The following NRXN3 variants were observed in gnomAD, a reference collection of about 807,000 sequenced individuals.
NRXN3 encodes the protein neurexin 3, also known as neurexin III.
In NRXN3, 32 loss-of-function variants were observed where a neutral mutation model predicts 137.6. The observed-to-expected ratio is 0.23, with a 90% CI of 0.18 to 0.31. The LOEUF is 0.31. Ranked by LOEUF, NRXN3 falls within the 10% of genes least tolerant of loss-of-function variation. The probability of loss-of-function intolerance (pLI) is 1.00; values close to 1 mark genes in which losing one functional copy is unlikely to be tolerated. For synonymous variants in NRXN3, 798 were observed against 784.5 expected, an observed-to-expected ratio of 1.02 and a Z score of -0.29; for missense variants, 1,574 against 2,062.5, an observed-to-expected ratio of 0.76 and a Z score of 4.59.
intron 4 of NRXN3, among the ~76,000 whole-genome samples, chr14:78,474,312 C>G (rs1599141666): frequency 6.6e-6 from 1 of 152,266 alleles, no homozygotes; most frequent in Admixed American, 6.5e-5. Flanking sequence ...GGGTGATGCT[C>G]CCATTTTTAG....
chr14:78,922,587 G>A (rs1016148821), intron 10 of NRXN3, among the ~76,000 whole-genome samples: 1 of 152,122 alleles, frequency 6.6e-6, no homozygotes, highest in Non-Finnish European at 1.5e-5. Context: ...AAATAATAGT[G>A]TTCTTCAGGA....
intron 15 of NRXN3, among the ~76,000 whole-genome samples, chr14:79,237,518 G>A (rs191394351): frequency 2.3e-3 from 346 of 152,182 alleles, no homozygotes; most frequent in Middle Eastern, 6.8e-3. Flanking sequence ...TTGGCTGCAG[G>A]GCTGGGTGGT....
intron 4 of NRXN3, among the ~76,000 whole-genome samples, chr14:78,519,232 G>A (rs1414170464): frequency 6.6e-6 from 1 of 152,134 alleles, no homozygotes; most frequent in Non-Finnish European, 1.5e-5. Context: ...ACATATGTCT[G>A]TGATAAAGAC....
At chr14:79,425,821 G>A (rs1172922534) in intron 15 of NRXN3, among the ~76,000 whole-genome samples, 1 of 152,184 alleles carries the variant, frequency 6.6e-6, no homozygotes, top group Non-Finnish European at 1.5e-5. Context: ...CACATAGCAA[G>A]TTGGAGACAG....
intron 8 of NRXN3, among the ~76,000 whole-genome samples, chr14:78,791,064 C>T (rs982879085): frequency 1.4e-4 from 22 of 152,134 alleles, no homozygotes; most frequent in African/African-American, 5.3e-4. Flanking sequence ...GCAGGTGTAG[C>T]CAAGAAGATC....
chr14:79,658,236 G>T (rs574993564), intron 16 of NRXN3, among the ~76,000 whole-genome samples: 1 of 152,116 alleles, frequency 6.6e-6, no homozygotes, highest in African/African-American at 2.4e-5. Context: ...TTAATTGTAA[G>T]AATTTGAATA....
chr14:79,772,171 G>A (rs2099080761), intron 19 of NRXN3, among the ~76,000 whole-genome samples: 1 of 151,984 alleles, frequency 6.6e-6, no homozygotes, highest in South Asian at 2.1e-4. Context: ...TGGGTAGGAA[G>A]AATCAATATC....
At chr14:78,601,523 G>A (rs2152436008) in intron 4 of NRXN3, among the ~76,000 whole-genome samples, 1 of 151,812 alleles carries the variant, frequency 6.6e-6, no homozygotes, top group East Asian at 1.9e-4. Context: ...CATGATCTCG[G>A]CTCACTGCAA....
intron 7 of NRXN3, among the ~76,000 whole-genome samples, chr14:78,713,885 A>G (rs1202420576): frequency 6.6e-6 from 1 of 152,202 alleles, no homozygotes; most frequent in African/African-American, 2.4e-5. Context: ...GTCCCACAAC[A>G]TGCAGGGATT....
At chr14:79,213,581 T>C (rs2068023136) in intron 15 of NRXN3, among the ~76,000 whole-genome samples, 1 of 151,764 alleles carries the variant, frequency 6.6e-6, no homozygotes, top group Admixed American at 6.6e-5. Flanking sequence ...GTGACAGAGC[T>C]TTCCTGATGG....
At chr14:79,831,988 A>G (rs2099325279) in intron 20 of NRXN3, among the ~76,000 whole-genome samples, 1 of 152,118 alleles carries the variant, frequency 6.6e-6, no homozygotes, top group Non-Finnish European at 1.5e-5. Context: ...ATATAAGTCA[A>G]TTGATTTCAG....
intron 14 of NRXN3, among the ~76,000 whole-genome samples, chr14:78,970,237 A>G (rs1349306714): frequency 6.6e-6 from 1 of 152,198 alleles, no homozygotes; most frequent in East Asian, 1.9e-4. Flanking sequence ...TCCAATAGAT[A>G]TATGTAACAC....
At chr14:78,936,747 C>A (rs1261410064) in intron 10 of NRXN3, among the ~76,000 whole-genome samples, 2 of 152,174 alleles carry the variant, frequency 1.3e-5, no homozygotes, top group South Asian at 4.1e-4. Flanking sequence ...ATAGCCTCAG[C>A]CACAGTTAGC....
intron 4 of NRXN3, among the ~76,000 whole-genome samples, chr14:78,399,081 C>T (rs2153652273): frequency 6.6e-6 from 1 of 152,228 alleles, no homozygotes; most frequent in Admixed American, 6.5e-5. Flanking sequence ...TTCTATGGGG[C>T]TTTTTGTCAC....
At chr14:78,659,714 CAAAA>C (rs202186566) in intron 6 of NRXN3, among the ~76,000 whole-genome samples, 4 of 104,160 alleles carry the variant, frequency 3.8e-5, no homozygotes, top group Admixed American at 2.0e-4. Context: ...TGTGTGAGGA[CAAAA>C]AAAAAAAAAA....
At chr14:79,257,526 G>A (rs202073489) in intron 15 of NRXN3, among the ~76,000 whole-genome samples, 5 of 87,816 alleles carry the variant, frequency 5.7e-5, no homozygotes, top group Admixed American at 1.2e-4. Flanking sequence ...GGTGGTGGTG[G>A]TGGTGGTGAT....
At chr14:78,371,809 AT>A (rs2086885762) in intron 4 of NRXN3, among the ~76,000 whole-genome samples, 1 of 152,268 alleles carries the variant, frequency 6.6e-6, no homozygotes, top group African/African-American at 2.4e-5. Flanking sequence ...CAAGGGAACT[AT>A]TCTGTCTCAT....
intron 15 of NRXN3, among the ~76,000 whole-genome samples, chr14:79,150,248 A>T (rs2059677790): frequency 6.6e-6 from 1 of 151,994 alleles, no homozygotes; most frequent in Non-Finnish European, 1.5e-5. Context: ...ATCAGCTTCT[A>T]TATTAAGCAA....
At chr14:79,305,671 T>A (rs2085927717) in intron 15 of NRXN3, among the ~76,000 whole-genome samples, 1 of 152,100 alleles carries the variant, frequency 6.6e-6, no homozygotes. Context: ...CATTTTTAAC[T>A]TACCAATTTC....
Sources: allele counts gnomAD v4.1 joint callset (sites outside exome capture counted in the v4.1 genomes callset), GRCh38; gene constraint gnomAD v4.1.1; transcripts MANE v1.5; gene names NCBI Gene and HGNC (gene_info 2026-07-23, HGNC 2026-07-21).